The following SIRT2 variants were observed in gnomAD, a reference collection of about 807,000 sequenced individuals.
The protein encoded by SIRT2 is NAD-dependent protein deacetylase sirtuin-2.
SIRT2 carries 40 observed loss-of-function variants against 57.4 expected under a neutral mutation model. That is an observed-to-expected ratio of 0.70 (90% CI 0.54 to 0.91). The LOEUF (loss-of-function observed/expected upper bound fraction) is 0.91. SIRT2 is among the 40% of genes least tolerant of loss of function. SIRT2 has a pLI of 0.00. For synonymous variants in SIRT2, 161 were observed against 195.7 expected (o/e 0.82, Z 1.48); for missense variants, 439 against 510.4 (o/e 0.86, Z 1.35).
chr19:38,896,731 G>T (rs953869292), intron 2 of SIRT2, among the ~76,000 whole-genome samples: 1 of 152,198 alleles, frequency 6.6e-6, no homozygotes, highest in Non-Finnish European at 1.5e-5. Flanking sequence ...GGAGCCAGGC[G>T]AGTGAGTTGC....
In SIRT2 at chr19:38,880,126, G is replaced by C. The variant is rs548601732; in HGVS notation, c.877-424C>G. 5.2e-6 allele frequency: 1 copy of C among 192,758 alleles called. No individual in the cohort carries two copies. Among genetic ancestry groups the C allele is most frequent in the East Asian group, 1.4e-4 (1 of 7,326 alleles). 11.9% of individuals were successfully genotyped at this position (192,758 alleles called of 1,614,324 possible). ...AGGCGTGAGCCATTGCGCCCAGCCA[G>C]CTCAGTGACTTTGGTCAAGTGACTT... On this transcript the variant is annotated intron_variant, in intron 13 of 15. Coordinates refer to ENST00000249396, the MANE Select transcript of SIRT2 (RefSeq NM_012237.4). This position sits in a 1 kb window ranked among gnomAD's most constrained non-coding sequence, Gnocchi z 4.1.
intron 8 of SIRT2, among the ~76,000 whole-genome samples, chr19:38,888,547 A>G (rs1973415544): frequency 6.6e-6 from 1 of 152,192 alleles, no homozygotes; most frequent in African/African-American, 2.4e-5. Context: ...TCCTTGCTTG[A>G]ATGCCCCAGG....
chr19:38,883,540 A>G, intron 9 of SIRT2, 87 bp downstream of exon 9: 1 of 1,504,930 alleles, frequency 6.6e-7, no homozygotes, highest in South Asian at 1.2e-5. Context: ...CAAAGAATTG[A>G]GCAGGACAGA....
At chr19:38,893,983 C>T (rs780291482) in intron 2 of SIRT2, 116 bp from the exon 3 acceptor site, 40 of 1,558,550 alleles carry the variant, frequency 2.6e-5, no homozygotes, top group Non-Finnish European at 3.0e-5. Flanking sequence ...TGAGGAAGTG[C>T]GGGGTGGTGG....
chr19:38,883,561 A>C, intron 9 of SIRT2, 66 bp downstream of exon 9: 2 of 1,578,528 alleles, frequency 1.3e-6, no homozygotes, highest in South Asian at 2.2e-5. Flanking sequence ...ATGGGTGCCC[A>C]CTGCATGGAG....
In SIRT2 at chr19:38,878,869, T is replaced by G; in HGVS notation, c.*286A>C. 2.8e-6 allele frequency: 1 copy of G among 354,668 alleles called. No individual in the cohort carries two copies. The highest frequency in any genetic ancestry group is 5.0e-6 in the Non-Finnish European group (1 of 198,072). The allele number at this position is 354,668 out of a possible 1,614,324, so 22.0% of individuals were successfully genotyped here. A position where few individuals can be genotyped will look rare whatever the true frequency, so the allele number is the denominator to read the frequency against. On this transcript the variant is annotated 3_prime_UTR_variant, in exon 16 of 16. Transcript: ENST00000249396. ...AAGTTCTGGGGTAGCCCTGGCCCCG[T>G]GGGGGCAGTTAGAGATGAGGGAGGT... is the stretch of plus-strand genomic sequence containing the variant.
At chr19:38,883,528 C>T in intron 9 of SIRT2, 99 bp downstream of exon 9, 1 of 1,458,304 alleles carries the variant, frequency 6.9e-7, no homozygotes. Context: ...ACAAAAAAAC[C>T]CCAAAGAATT....
At position 38,880,649 on chromosome 19, in the gene SIRT2, G is replaced by A. The variant is rs189838716; in HGVS notation, c.876+36C>T. 7.3e-4 allele frequency: 1,077 copies of A among 1,482,972 alleles called. 3 individuals are homozygous for A. The highest frequency in any genetic ancestry group is 2.0e-3 in the Admixed American group (94 of 47,152). The allele number at this position is 1,482,972 out of a possible 1,614,324, so 91.9% of individuals were successfully genotyped here. A position where few individuals can be genotyped will look rare whatever the true frequency, so the allele number is the denominator to read the frequency against. ...GGAAAAGGGTGAGAGGGAAGGGGGA[G>A]CCTGTGACGACGGGGGCTTGAAGAA... On this transcript the variant is annotated intron_variant, in intron 13 of 15. Transcript: ENST00000249396. The surrounding 1 kb of genome is among the most constrained non-coding windows in gnomAD (Gnocchi z 4.1).
chr19:38,892,178 C>T (rs917661145), intron 4 of SIRT2, among the ~76,000 whole-genome samples: 1 of 152,060 alleles, frequency 6.6e-6, no homozygotes, highest in Non-Finnish European at 1.5e-5. Context: ...GGTGGATTGC[C>T]TGAGCTCAGG....
intron 8 of SIRT2, among the ~76,000 whole-genome samples, chr19:38,887,237 T>G (rs1444729429): frequency 6.6e-6 from 1 of 152,156 alleles, no homozygotes; most frequent in Non-Finnish European, 1.5e-5. Flanking sequence ...CAGTATATGG[T>G]GTCTCCATCT....
intron 4 of SIRT2, among the ~76,000 whole-genome samples, chr19:38,892,273 G>A (rs3786543): frequency 0.12 from 18,150 of 151,866 alleles, 1,607 homozygotes; most frequent in East Asian, 0.36. Context: ...GTGTGCGTCT[G>A]TAATCCCAGC....
intron 4 of SIRT2, among the ~76,000 whole-genome samples, chr19:38,891,224 A>G (rs1263800084): frequency 1.3e-5 from 2 of 152,266 alleles, no homozygotes; most frequent in Non-Finnish European, 2.9e-5. Flanking sequence ...AGTGCCTGGC[A>G]AATAGTGAAG....
rs1481198876 is a variant in SIRT2 at position 38,878,911 on chromosome 19, A to G, written c.*244T>C. 1 of 467,460 alleles carries G rather than the reference A, an allele frequency of 2.1e-6. No individual in the cohort carries two copies. Among genetic ancestry groups the G allele is most frequent in the African/African-American group, 2.0e-5 (1 of 48,832 alleles). 29.0% of individuals were successfully genotyped at this position (467,460 alleles called of 1,614,324 possible). ...GAGGGAGGTTACTCCTTAGCCCAGG[A>G]GTGGTTAGAGACAGTGGGGCTGGTA... On this transcript the variant is annotated 3_prime_UTR_variant, in exon 16 of 16. Transcript: ENST00000249396.
intron 4 of SIRT2, among the ~76,000 whole-genome samples, chr19:38,892,497 C>A (rs1973573237): frequency 6.6e-6 from 1 of 152,210 alleles, no homozygotes; most frequent in South Asian, 2.1e-4. Flanking sequence ...ATAACCACGG[C>A]ACACCCTGCC....
chr19:38,887,818 G>A (rs1248840520), intron 8 of SIRT2, among the ~76,000 whole-genome samples: 2 of 152,124 alleles, frequency 1.3e-5, no homozygotes, highest in African/African-American at 4.8e-5. Context: ...GGAGTGCAGT[G>A]GCACAATCTT....
intron 7 of SIRT2, chr19:38,889,369 G>A: frequency 1.4e-6 from 1 of 715,018 alleles, no homozygotes; most frequent in South Asian, 1.5e-5. Flanking sequence ...CACACGGTGG[G>A]TAAGCTGCAG....
chr19:38,898,991 C>T, intron 1 of SIRT2: 2 of 187,912 alleles, frequency 1.1e-5, no homozygotes, highest in South Asian at 9.3e-5. Flanking sequence ...AGTGTGTGTG[C>T]GGGGAGGGTT....
chr19:38,889,007 C>T lies in SIRT2; in HGVS notation c.501+80G>A, dbSNP rs113550262. 7.9e-4 allele frequency: 1,071 copies of T among 1,352,764 alleles called. 8 individuals carry two copies. In the African/African-American group the frequency reaches 0.013, roughly 16 times the overall value. The allele number at this position is 1,352,764 out of a possible 1,614,324, so 83.8% of individuals were successfully genotyped here. On this transcript the variant is annotated intron_variant, in intron 8 of 15. Coordinates refer to ENST00000249396, the MANE Select transcript of SIRT2 (RefSeq NM_012237.4). ...GAGTCCCCGCCTGAGCTCTTGGGCA[C>T]GCAGCTCTGCTCCTCTGCTGAGGAC...
chr19:38,878,802 G>T lies in SIRT2; in HGVS notation c.*353C>A, dbSNP rs1301979994. 2.4e-5 allele frequency: 5 copies of T among 207,904 alleles called. No individual in the cohort carries two copies. Among genetic ancestry groups the T allele is most frequent in the Non-Finnish European group, 1.9e-5 (2 of 105,314 alleles). 12.9% of individuals were successfully genotyped at this position (207,904 alleles called of 1,614,324 possible). On this transcript the variant is annotated 3_prime_UTR_variant, in exon 16 of 16. Coordinates refer to ENST00000249396, the MANE Select transcript of SIRT2 (RefSeq NM_012237.4). ...TAGCCACAGGCCCCCGGGGGCAGGAGACAGAGTGGGGGCCCGAAGCTCCCT... is the reference window on the plus strand; with the variant it reads ...TAGCCACAGGCCCCCGGGGGCAGGATACAGAGTGGGGGCCCGAAGCTCCCT...
Sources: allele counts gnomAD v4.1 joint callset (sites outside exome capture counted in the v4.1 genomes callset), GRCh38; gene constraint gnomAD v4.1.1; non-coding constraint Gnocchi (gnomAD v3.1); transcripts MANE v1.5; gene names NCBI Gene and HGNC (gene_info 2026-07-23, HGNC 2026-07-21).